Variants in NRG3 observed in about 807,000 individuals in gnomAD.
NRG3 encodes the protein neuregulin 3, also known as pro-neuregulin-3, membrane-bound isoform.
In NRG3, 31 loss-of-function variants were observed where a neutral mutation model predicts 66.9. The ratio of observed to expected loss-of-function variants is 0.46; its 90% confidence interval spans 0.35 to 0.63. The LOEUF (loss-of-function observed/expected upper bound fraction) is 0.63, where lower values mean the gene tolerates loss of function less well. Ranked by LOEUF, NRG3 falls within the 20% of genes least tolerant of loss-of-function variation. The pLI is 0.00. For synonymous variants in NRG3, 393 were observed against 359.4 expected (o/e 1.09, Z -1.06); for missense variants, 910 against 878.9 (o/e 1.04, Z -0.45).
intron 4 of NRG3, among the ~76,000 whole-genome samples, chr10:82,895,858 T>C (rs1021661545): frequency 6.6e-6 from 1 of 152,328 alleles, no homozygotes; most frequent in Middle Eastern, 3.4e-3. Context: ...GAGTCACCAG[T>C]CTGCTGTTTA....
chr10:82,245,149 C>T (rs1399502965), intron 1 of NRG3, among the ~76,000 whole-genome samples: 1 of 152,084 alleles, frequency 6.6e-6, no homozygotes. Flanking sequence ...TGTGTTCCTG[C>T]AACTAGAGGG....
intron 1 of NRG3, among the ~76,000 whole-genome samples, chr10:82,030,340 A>T (rs747532254): frequency 6.6e-6 from 1 of 152,140 alleles, no homozygotes; most frequent in African/African-American, 2.4e-5. Context: ...CCATGATCCA[A>T]TTCAATGAAT....
intron 3 of NRG3, among the ~76,000 whole-genome samples, chr10:82,827,758 G>A (rs893911911): frequency 6.6e-5 from 10 of 152,118 alleles, no homozygotes; most frequent in Admixed American, 6.5e-4. Context: ...ATATCTCCCA[G>A]AGTCAATTTC....
intron 2 of NRG3, among the ~76,000 whole-genome samples, chr10:82,459,571 G>C (rs915351807): frequency 1.3e-5 from 2 of 152,136 alleles, no homozygotes; most frequent in African/African-American, 4.8e-5. Flanking sequence ...TTCTGCCGGA[G>C]AAAAGAAAAA....
At chr10:82,591,203 C>T (rs1186558924) in intron 2 of NRG3, among the ~76,000 whole-genome samples, 1 of 152,084 alleles carries the variant, frequency 6.6e-6, no homozygotes. Flanking sequence ...GATTAATGTC[C>T]CAACCTATTC....
intron 1 of NRG3, among the ~76,000 whole-genome samples, chr10:82,007,217 T>TC (rs1312838265): frequency 6.7e-6 from 1 of 149,244 alleles, no homozygotes; most frequent in Non-Finnish European, 1.5e-5. Context: ...TTTTCTTTTT[T>TC]TTTTTTTTTT....
chr10:82,020,914 A>G (rs1470809418), intron 1 of NRG3, among the ~76,000 whole-genome samples: 1 of 152,086 alleles, frequency 6.6e-6, no homozygotes, highest in Admixed American at 6.6e-5. Context: ...CAATCCTGCT[A>G]GTTCCAAAGG....
At chr10:82,468,050 A>AC (rs1172044863) in intron 2 of NRG3, among the ~76,000 whole-genome samples, 2 of 152,218 alleles carry the variant, frequency 1.3e-5, no homozygotes, top group African/African-American at 2.4e-5. Flanking sequence ...TCACTAAGGC[A>AC]ATCAATTTGA....
chr10:81,967,501 G>C (rs532831546), intron 1 of NRG3, among the ~76,000 whole-genome samples: 6 of 151,802 alleles, frequency 4.0e-5, no homozygotes, highest in Admixed American at 6.6e-5. Flanking sequence ...TTTTCATTGT[G>C]GTGGGTGAAA....
chr10:82,644,324 T>C (rs908986825), intron 2 of NRG3, among the ~76,000 whole-genome samples: 1 of 152,136 alleles, frequency 6.6e-6, no homozygotes, highest in Non-Finnish European at 1.5e-5. Flanking sequence ...GTTTCTAAAG[T>C]GTTTGCTTCC....
At chr10:81,983,676 A>G (rs1300004009) in intron 1 of NRG3, among the ~76,000 whole-genome samples, 2 of 152,182 alleles carry the variant, frequency 1.3e-5, no homozygotes. Context: ...TCATAATCTA[A>G]TTTAAAGTAT....
intron 1 of NRG3, among the ~76,000 whole-genome samples, chr10:82,185,868 C>CA (rs2073771583): frequency 2.6e-5 from 4 of 152,176 alleles, no homozygotes; most frequent in Admixed American, 6.5e-5. Context: ...GTTTATCATT[C>CA]AATCTAAAGA....
intron 1 of NRG3, among the ~76,000 whole-genome samples, chr10:82,235,840 C>T (rs1039624587): frequency 2.0e-5 from 3 of 152,120 alleles, no homozygotes; most frequent in African/African-American, 7.2e-5. Flanking sequence ...ACTTGGTAGA[C>T]GTTTTATCAT....
At chr10:82,563,453 TA>T (rs1215041844) in intron 2 of NRG3, among the ~76,000 whole-genome samples, 4 of 152,096 alleles carry the variant, frequency 2.6e-5, no homozygotes, top group Non-Finnish European at 4.4e-5. Context: ...GCAATATGGC[TA>T]TTTCTACCTC....
At chr10:81,891,442 C>T (rs2132558803) in intron 1 of NRG3, among the ~76,000 whole-genome samples, 1 of 152,220 alleles carries the variant, frequency 6.6e-6, no homozygotes, top group African/African-American at 2.4e-5. Flanking sequence ...CTTGTTACCT[C>T]ATCTCCATAT....
At chr10:82,723,334 G>A (rs2057411669) in intron 2 of NRG3, among the ~76,000 whole-genome samples, 1 of 152,148 alleles carries the variant, frequency 6.6e-6, no homozygotes, top group African/African-American at 2.4e-5. Flanking sequence ...GATGGAGAGG[G>A]GCAAGGGTTG....
chr10:82,172,644 C>T (rs1197019923), intron 1 of NRG3, among the ~76,000 whole-genome samples: 2 of 152,110 alleles, frequency 1.3e-5, no homozygotes, highest in Non-Finnish European at 2.9e-5. Flanking sequence ...TCATCAGCCA[C>T]AGAACCTGTC....
At chr10:82,315,254 C>T (rs150192788) in intron 1 of NRG3, among the ~76,000 whole-genome samples, 63 of 152,272 alleles carry the variant, frequency 4.1e-4, no homozygotes, top group African/African-American at 1.3e-3. Context: ...CCTCACTGCC[C>T]GGAGTACTTT....
At chr10:82,491,796 C>T (rs1345585421) in intron 2 of NRG3, among the ~76,000 whole-genome samples, 1 of 152,150 alleles carries the variant, frequency 6.6e-6, no homozygotes, top group Admixed American at 6.5e-5. Flanking sequence ...TGCCCTCTGG[C>T]ATGTAAATAA....
Sources: gnomAD v4.1 joint callset for allele counts (sites outside exome capture counted in the v4.1 genomes callset) on GRCh38, gnomAD v4.1.1 for gene constraint, MANE v1.5 for transcripts, NCBI Gene and HGNC (gene_info 2026-07-23, HGNC 2026-07-21) for gene names.